UBASH3B: variants seen among roughly 807,000 people sequenced by gnomAD.
The protein encoded by UBASH3B is ubiquitin-associated and SH3 domain-containing protein B.
Under a neutral mutation model 83.4 loss-of-function variants are expected in UBASH3B, and 37 were observed. The observed-to-expected ratio is 0.44, with a 90% CI of 0.34 to 0.58. The LOEUF is 0.58. Ranked by LOEUF, UBASH3B falls within the 20% of genes least tolerant of loss-of-function variation. The pLI, the probability that UBASH3B is intolerant of heterozygous loss-of-function variation, is 0.01. For missense variants in UBASH3B, 657 were observed against 827.2 expected, an observed-to-expected ratio of 0.79 and a Z score of 2.52; for synonymous variants, 304 against 318.3, an observed-to-expected ratio of 0.96 and a Z score of 0.48.
At chr11:122,670,988 C>T (rs1464737098) in intron 1 of UBASH3B, among the ~76,000 whole-genome samples, 1 of 152,030 alleles carries the variant, frequency 6.6e-6, no homozygotes, top group African/African-American at 2.4e-5. Flanking sequence ...GTCTCGAACT[C>T]CTGACCAGAG....
At chr11:122,668,812 G>A (rs550783589) in intron 1 of UBASH3B, among the ~76,000 whole-genome samples, 1 of 152,270 alleles carries the variant, frequency 6.6e-6, no homozygotes, top group East Asian at 1.9e-4. Flanking sequence ...GTACTTTGAG[G>A]CTCTCAAAGT....
intron 3 of UBASH3B, among the ~76,000 whole-genome samples, chr11:122,778,156 CA>C (rs1860775363): frequency 6.6e-6 from 1 of 152,056 alleles, no homozygotes; most frequent in Non-Finnish European, 1.5e-5. Context: ...AAAGTGGTAG[CA>C]TTTTAAACCA....
At chr11:122,772,629 T>C (rs1167524098) in intron 1 of UBASH3B, among the ~76,000 whole-genome samples, 3 of 152,148 alleles carry the variant, frequency 2.0e-5, no homozygotes, top group African/African-American at 7.2e-5. Flanking sequence ...TCTGTGACCC[T>C]GGGGCCAGAC....
intron 1 of UBASH3B, among the ~76,000 whole-genome samples, chr11:122,722,349 T>C (rs1341795386): frequency 2.0e-5 from 3 of 152,216 alleles, no homozygotes; most frequent in Non-Finnish European, 4.4e-5. Flanking sequence ...CAAGTACAGG[T>C]CTCAAACACT....
chr11:122,731,098 G>A (rs12808357), intron 1 of UBASH3B, among the ~76,000 whole-genome samples: 46,909 of 152,166 alleles, frequency 0.31, 8,722 homozygotes, highest in Middle Eastern at 0.48. Context: ...GCCTGAAAGC[G>A]CAGAGAGCAC....
chr11:122,745,941 G>A (rs972610700), intron 1 of UBASH3B, among the ~76,000 whole-genome samples: 4 of 152,184 alleles, frequency 2.6e-5, no homozygotes, highest in Non-Finnish European at 4.4e-5. Context: ...TTTGTTTTCT[G>A]TCTCAGCTGA....
At chr11:122,732,544 T>C (rs1860860680) in intron 1 of UBASH3B, among the ~76,000 whole-genome samples, 1 of 152,222 alleles carries the variant, frequency 6.6e-6, no homozygotes, top group African/African-American at 2.4e-5. Flanking sequence ...GACTTCATCT[T>C]GCCTTAAGGA....
At chr11:122,733,622 G>A (rs1382969013) in intron 1 of UBASH3B, among the ~76,000 whole-genome samples, 1 of 152,164 alleles carries the variant, frequency 6.6e-6, no homozygotes. Context: ...CTTCATTGAT[G>A]TATTCATTCC....
chr11:122,667,037 CTTTTTT>C (rs148029449), intron 1 of UBASH3B, among the ~76,000 whole-genome samples: 6 of 101,546 alleles, frequency 5.9e-5, no homozygotes, highest in Non-Finnish European at 1.2e-4. Context: ...TAATGGCATT[CTTTTTT>C]TTTTTTTTTT....
intron 1 of UBASH3B, among the ~76,000 whole-genome samples, chr11:122,718,063 A>T (rs1421424781): frequency 6.6e-6 from 1 of 152,096 alleles, no homozygotes; most frequent in Non-Finnish European, 1.5e-5. Context: ...CTGGGATTAC[A>T]GGCACCCACT....
At chr11:122,769,208 GA>G (rs1461644045) in intron 1 of UBASH3B, among the ~76,000 whole-genome samples, 1 of 152,190 alleles carries the variant, frequency 6.6e-6, no homozygotes, top group Non-Finnish European at 1.5e-5. Context: ...CATATGGAGA[GA>G]AGAAGGGAGA....
At chr11:122,799,752 A>C (rs1409371204) in intron 10 of UBASH3B, among the ~76,000 whole-genome samples, 1 of 152,188 alleles carries the variant, frequency 6.6e-6, no homozygotes, top group East Asian at 1.9e-4. Flanking sequence ...AATTAGAAAG[A>C]CTTTAAAAGC....
At chr11:122,772,293 T>A (rs1162275864) in intron 1 of UBASH3B, among the ~76,000 whole-genome samples, 1 of 152,206 alleles carries the variant, frequency 6.6e-6, no homozygotes, top group Non-Finnish European at 1.5e-5. Flanking sequence ...GCTGCTTTTG[T>A]ATCTGACTCT....
intron 1 of UBASH3B, among the ~76,000 whole-genome samples, chr11:122,756,594 T>G (rs1861286200): frequency 6.6e-6 from 1 of 152,124 alleles, no homozygotes; most frequent in Admixed American, 6.5e-5. Context: ...GGTGCCCCAG[T>G]GTGGAGGGCT....
intron 1 of UBASH3B, among the ~76,000 whole-genome samples, chr11:122,723,278 C>T (rs1296455160): frequency 6.6e-6 from 1 of 152,204 alleles, no homozygotes; most frequent in Non-Finnish European, 1.5e-5. Context: ...TTGTTCATCA[C>T]AACACATGAG....
intron 1 of UBASH3B, among the ~76,000 whole-genome samples, chr11:122,742,497 G>A (rs956523444): frequency 6.6e-6 from 1 of 152,240 alleles, no homozygotes; most frequent in African/African-American, 2.4e-5. Flanking sequence ...TGCTACAGAA[G>A]TGCTAGCCTG....
At chr11:122,718,805 C>T (rs1283387448) in intron 1 of UBASH3B, among the ~76,000 whole-genome samples, 2 of 152,080 alleles carry the variant, frequency 1.3e-5, no homozygotes, top group Non-Finnish European at 2.9e-5. Flanking sequence ...ACAATTCCTC[C>T]ACGTGACTTG....
Position 122,785,522 on chromosome 11 carries a change from T to G in UBASH3B, c.771+2300T>G, listed in dbSNP as rs530924943. ...CTGCTATTTAGATTCTCACTCGATT[T>G]GGACACGCGAATCCCATTTGTATTT... On this transcript the variant is annotated intron_variant, in intron 5 of 13. Coordinates refer to ENST00000284273, the MANE Select transcript of UBASH3B (RefSeq NM_032873.5). 2.0e-5 allele frequency among the ~76,000 whole-genome samples: 3 copies of G among 152,332 alleles called. No homozygotes were observed. In the South Asian group the frequency reaches 6.2e-4, roughly 32 times the overall value.
At position 122,760,129 on chromosome 11, in the gene UBASH3B, G is replaced by A. The variant is rs569184496; in HGVS notation, c.162-16090G>A. 2.8e-4 allele frequency among the ~76,000 whole-genome samples: 43 copies of A among 152,278 alleles called. 1 individual carries two copies. Among genetic ancestry groups the A allele is most frequent in the African/African-American group, 1.0e-3 (43 of 41,548 alleles). ...AGAGATGCAAAGAAAACAAGAAATG[G>A]TCTCTGCTTCAAGTAGCTCATGGTC... On this transcript the variant is annotated intron_variant, in intron 1 of 13. Coordinates refer to ENST00000284273, the MANE Select transcript of UBASH3B (RefSeq NM_032873.5).
Sources: gnomAD v4.1 joint callset for allele counts (sites outside exome capture counted in the v4.1 genomes callset) on GRCh38, gnomAD v4.1.1 for gene constraint, MANE v1.5 for transcripts, NCBI Gene and HGNC (gene_info 2026-07-23, HGNC 2026-07-21) for gene names.